The following DOCK4 variants were observed in gnomAD, a reference collection of about 807,000 sequenced individuals.
The protein encoded by DOCK4 is dedicator of cytokinesis protein 4.
Under a neutral mutation model 268.1 loss-of-function variants are expected in DOCK4, and 97 were observed. The observed-to-expected ratio is 0.36, with a 90% CI of 0.31 to 0.43. The LOEUF (loss-of-function observed/expected upper bound fraction) is 0.43, where lower values mean the gene tolerates loss of function less well. Among genes scored for constraint, DOCK4 ranks in the 20% least tolerant of loss-of-function variants. The pLI is 1.00. For missense variants in DOCK4, 2,145 were observed against 2,455.7 expected, an observed-to-expected ratio of 0.87 and a Z score of 2.67; for synonymous variants, 954 against 887.2, an observed-to-expected ratio of 1.08 and a Z score of -1.34.
intron 42 of DOCK4, among the ~76,000 whole-genome samples, chr7:111,748,707 CAT>C (rs1491284934): frequency 1.3e-5 from 2 of 151,596 alleles, no homozygotes; most frequent in African/African-American, 4.8e-5. Context: ...GATATATATA[CAT>C]GTGTGTGTGT....
At chr7:112,053,336 C>T (rs2135560432) in intron 1 of DOCK4, among the ~76,000 whole-genome samples, 1 of 152,316 alleles carries the variant, frequency 6.6e-6, no homozygotes, top group South Asian at 2.1e-4. Flanking sequence ...CAAGACCAAA[C>T]ACAAGGCAAA....
chr7:112,102,687 T>G (rs1444526274), intron 1 of DOCK4, among the ~76,000 whole-genome samples: 1 of 152,102 alleles, frequency 6.6e-6, no homozygotes, highest in Non-Finnish European at 1.5e-5. Context: ...AGACACTGAA[T>G]CTACTGGTGC....
chr7:111,919,634 G>A (rs1792936196), intron 12 of DOCK4, among the ~76,000 whole-genome samples: 1 of 152,158 alleles, frequency 6.6e-6, no homozygotes, highest in South Asian at 2.1e-4. Context: ...GAGGGGGAGG[G>A]CAGTTACTGC....
chr7:111,921,037 TTTTG>T (rs1321128740), intron 12 of DOCK4, among the ~76,000 whole-genome samples: 1 of 152,158 alleles, frequency 6.6e-6, no homozygotes, highest in Non-Finnish European at 1.5e-5. Context: ...TTTAACCTAA[TTTTG>T]TTTATGTAAA....
chr7:112,000,252 T>A (rs1800312954), intron 3 of DOCK4, among the ~76,000 whole-genome samples: 1 of 152,156 alleles, frequency 6.6e-6, no homozygotes, highest in Admixed American at 6.5e-5. Flanking sequence ...TTTGTTTATA[T>A]ATAATGAGCT....
At chr7:111,897,969 T>G (rs1014453242) in intron 15 of DOCK4, among the ~76,000 whole-genome samples, 1 of 152,176 alleles carries the variant, frequency 6.6e-6, no homozygotes, top group Non-Finnish European at 1.5e-5. Context: ...AAAAAAGAAC[T>G]GAACCATTAC....
At chr7:111,788,575 G>A in intron 32 of DOCK4, 87 bp downstream of exon 32, 1 of 1,089,786 alleles carries the variant, frequency 9.2e-7, no homozygotes, top group South Asian at 1.3e-5. Context: ...TGTCTTTGCA[G>A]CTCTCAGCTA....
At chr7:111,976,116 G>A (rs1798132796) in intron 8 of DOCK4, among the ~76,000 whole-genome samples, 1 of 126,642 alleles carries the variant, frequency 7.9e-6, no homozygotes, top group South Asian at 2.6e-4. Context: ...ACTCCAGCCT[G>A]GGTGACAGAG....
rs1562907484 is a variant in DOCK4, at chr7:111,934,536, T to TTTG, written c.1066+1003_1066+1004insCAA. The stretch of plus-strand genomic sequence containing the variant: ...TGTTTTGTTTTTGTTTTTTTTTTTT[T>TTTG]TTTTTTTTTTTTAGACAGTGTCTTG... On this transcript the variant is annotated intron_variant, in intron 12 of 52. Coordinates refer to ENST00000428084, the MANE Select transcript of DOCK4 (RefSeq NM_001363540.2). 3.6e-3 allele frequency among the ~76,000 whole-genome samples: 517 copies of TTTG among 142,890 alleles called. 4 individuals are homozygous for TTTG. Among genetic ancestry groups the TTTG allele is most frequent in the African/African-American group, 0.012 (437 of 37,428 alleles). 93.7% of individuals were successfully genotyped at this position (142,890 alleles called of 152,430 possible). A position where few individuals can be genotyped will look rare whatever the true frequency, so the allele number is the denominator to read the frequency against.
At chr7:111,864,100 T>C (rs547204524) in intron 22 of DOCK4, among the ~76,000 whole-genome samples, 33 of 152,302 alleles carry the variant, frequency 2.2e-4, no homozygotes, top group African/African-American at 7.5e-4. Context: ...GGAAAGTTAT[T>C]TGAGCACCCT....
chr7:111,931,523 C>A (rs1355958930), intron 12 of DOCK4, among the ~76,000 whole-genome samples: 1 of 152,108 alleles, frequency 6.6e-6, no homozygotes, highest in East Asian at 1.9e-4. Context: ...TCCCTTCCTT[C>A]CTGAAGTTAA....
intron 8 of DOCK4, among the ~76,000 whole-genome samples, chr7:111,956,466 G>A (rs1796457889): frequency 6.6e-6 from 1 of 152,004 alleles, no homozygotes; most frequent in South Asian, 2.1e-4. Flanking sequence ...ATAAAAACTT[G>A]GGACCCCCAA....
At chr7:112,088,150 A>C (rs551444718) in intron 1 of DOCK4, among the ~76,000 whole-genome samples, 1 of 152,126 alleles carries the variant, frequency 6.6e-6, no homozygotes, top group Non-Finnish European at 1.5e-5. Context: ...GCAAAAGCAT[A>C]GAAGCATAAA....
intron 30 of DOCK4, among the ~76,000 whole-genome samples, chr7:111,794,833 T>C (rs1799780237): frequency 6.6e-6 from 1 of 152,146 alleles, no homozygotes; most frequent in South Asian, 2.1e-4. Flanking sequence ...CTCCTAGGAA[T>C]GGGACTCACT....
chr7:111,901,876 CTTTAG>C (rs1791181738), intron 13 of DOCK4, 75 bp from the exon 14 acceptor site: 6 of 1,187,144 alleles, frequency 5.1e-6, no homozygotes, highest in Non-Finnish European at 7.1e-6. Context: ...TCAAGAAAAA[CTTTAG>C]TTTATACAAT....
chr7:112,116,646 C>A (rs1207979372), intron 1 of DOCK4, among the ~76,000 whole-genome samples: 1 of 152,172 alleles, frequency 6.6e-6, no homozygotes, highest in Non-Finnish European at 1.5e-5. Context: ...ATATTCATAA[C>A]CAAGGCAATG....
chr7:112,112,915 CCTCAGCA>C (rs1017526754), intron 1 of DOCK4, among the ~76,000 whole-genome samples: 1 of 152,166 alleles, frequency 6.6e-6, no homozygotes, highest in Admixed American at 6.6e-5. Flanking sequence ...GTATCCCTGA[CCTCAGCA>C]CTGTCTTCAA....
At chr7:112,011,067 A>G (rs1801255072) in intron 1 of DOCK4, among the ~76,000 whole-genome samples, 1 of 152,190 alleles carries the variant, frequency 6.6e-6, no homozygotes, top group Non-Finnish European at 1.5e-5. Context: ...CTTCAGCTGA[A>G]GAGAGCTGCT....
intron 32 of DOCK4, among the ~76,000 whole-genome samples, chr7:111,786,206 G>A (rs978253547): frequency 6.6e-6 from 1 of 152,196 alleles, no homozygotes; most frequent in Non-Finnish European, 1.5e-5. Flanking sequence ...AGAAGGCAGA[G>A]CGAAAGACTA....
Sources: allele counts gnomAD v4.1 joint callset (sites outside exome capture counted in the v4.1 genomes callset), GRCh38; gene constraint gnomAD v4.1.1; transcripts MANE v1.5; gene names NCBI Gene and HGNC (gene_info 2026-07-23, HGNC 2026-07-21).